AKAP19: variants seen among roughly 807,000 people sequenced by gnomAD.
AKAP19 encodes the protein A-kinase anchoring protein 19.
the AKAP19 span, among the ~76,000 whole-genome samples, chr2:189,943,212 G>A: frequency 6.6e-6 from 1 of 152,222 alleles, no homozygotes; most frequent in African/African-American, 2.4e-5. Context: ...TTCTGGGCCA[G>A]GACCAGGGCT....
At chr2:189,956,416 G>A in the AKAP19 span, among the ~76,000 whole-genome samples, 3 of 151,578 alleles carry the variant, frequency 2.0e-5, no homozygotes, top group Non-Finnish European at 2.9e-5. Flanking sequence ...TGATCCGCCC[G>A]CCTCGGCCTC....
chr2:190,180,530 T>C, the AKAP19 span: 2 of 985,676 alleles, frequency 2.0e-6, no homozygotes, highest in South Asian at 9.4e-5. This position sits in a 1 kb window ranked among gnomAD's most constrained non-coding sequence, Gnocchi z 6.8. Context: ...TCATTGACCT[T>C]TGCGGGTCTG....
chr2:189,966,712 G>A, the AKAP19 span, among the ~76,000 whole-genome samples: 1 of 152,168 alleles, frequency 6.6e-6, no homozygotes, highest in Admixed American at 6.5e-5. Flanking sequence ...TTAGTAGATT[G>A]TATCAATGTC....
chr2:189,962,230 C>T, the AKAP19 span, among the ~76,000 whole-genome samples: 1 of 152,140 alleles, frequency 6.6e-6, no homozygotes, highest in Admixed American at 6.5e-5. Context: ...TACAGTAACA[C>T]ACTGCACAGG....
At chr2:189,979,295 C>G in the AKAP19 span, among the ~76,000 whole-genome samples, 1 of 152,078 alleles carries the variant, frequency 6.6e-6, no homozygotes, top group Non-Finnish European at 1.5e-5. Flanking sequence ...ACCAACTGAT[C>G]TTAAACAAAG....
At chr2:190,180,740 TG>T in the AKAP19 span, 1 of 985,190 alleles carries the variant, frequency 1.0e-6, no homozygotes, top group Non-Finnish European at 1.2e-6. The surrounding 1 kb of genome is among the most constrained non-coding windows in gnomAD (Gnocchi z 6.8). Flanking sequence ...CGAGCGCCCT[TG>T]GGCGGCCATC....
chr2:190,141,135 C>G, the AKAP19 span, among the ~76,000 whole-genome samples: 1 of 152,212 alleles, frequency 6.6e-6, no homozygotes, highest in Non-Finnish European at 1.5e-5. Flanking sequence ...GTATTTTGGT[C>G]AAGGCCATTC....
chr2:190,062,662 T>C, the AKAP19 span: 1 of 1,543,892 alleles, frequency 6.5e-7, no homozygotes, highest in Non-Finnish European at 8.8e-7. Context: ...CTTTTGCTTT[T>C]GAGTAATGCC....
chr2:189,901,843 G>C, the AKAP19 span, among the ~76,000 whole-genome samples: 4 of 151,908 alleles, frequency 2.6e-5, no homozygotes, highest in African/African-American at 9.7e-5. Context: ...ATATTCCCTT[G>C]ACTAAGTTAC....
At chr2:190,028,129 C>T in the AKAP19 span, among the ~76,000 whole-genome samples, 1 of 151,902 alleles carries the variant, frequency 6.6e-6, no homozygotes, top group East Asian at 1.9e-4. Flanking sequence ...TTTTATTATC[C>T]TTATTCCCTG....
chr2:190,160,715 AAG>A, the AKAP19 span, among the ~76,000 whole-genome samples: 2 of 151,202 alleles, frequency 1.3e-5, no homozygotes, highest in Admixed American at 1.3e-4. Flanking sequence ...TTTTTTAAAA[AAG>A]AAGAAACTTT....
chr2:190,021,029 A>T, the AKAP19 span, among the ~76,000 whole-genome samples: 1 of 152,212 alleles, frequency 6.6e-6, no homozygotes, highest in Non-Finnish European at 1.5e-5. Context: ...CCATTCATCC[A>T]TCAATGAACA....
the AKAP19 span, among the ~76,000 whole-genome samples, chr2:190,001,174 T>A: frequency 6.6e-6 from 1 of 152,176 alleles, no homozygotes; most frequent in Non-Finnish European, 1.5e-5. Flanking sequence ...TTTAAAAAAA[T>A]AATTTCTATA....
chr2:190,148,753 A>G, the AKAP19 span, among the ~76,000 whole-genome samples: 5 of 152,164 alleles, frequency 3.3e-5, no homozygotes, highest in Admixed American at 2.6e-4. Context: ...TTTTTCCAGG[A>G]ACTTACCCAT....
the AKAP19 span, among the ~76,000 whole-genome samples, chr2:190,016,982 AT>A: frequency 1.3e-5 from 2 of 152,116 alleles, no homozygotes; most frequent in Non-Finnish European, 2.9e-5. Flanking sequence ...GTACATATGT[AT>A]TTATGATTGC....
At chr2:190,070,961 C>T in the AKAP19 span, among the ~76,000 whole-genome samples, 1 of 152,004 alleles carries the variant, frequency 6.6e-6, no homozygotes, top group Non-Finnish European at 1.5e-5. Context: ...TCATGCACTG[C>T]GTAACAATCT....
At chr2:189,923,435 G>C in the AKAP19 span, 2 of 1,613,896 alleles carry the variant, frequency 1.2e-6, no homozygotes, top group Non-Finnish European at 1.7e-6. Context: ...ATCTGATGTG[G>C]AGGCAATCTT....
chr2:189,932,411 A>C, the AKAP19 span, among the ~76,000 whole-genome samples: 3 of 146,500 alleles, frequency 2.0e-5, no homozygotes, highest in Admixed American at 6.8e-5. Context: ...CCAACTCAAA[A>C]AAAAAAAAAA....
chr2:189,915,519 C>A, the AKAP19 span, among the ~76,000 whole-genome samples: 17 of 151,974 alleles, frequency 1.1e-4, no homozygotes, highest in African/African-American at 4.1e-4. Context: ...TGGCCAGGAT[C>A]CCAGCTAGCA....
Sources: allele counts gnomAD v4.1 joint callset (sites outside exome capture counted in the v4.1 genomes callset), GRCh38; gene constraint gnomAD v4.1.1; non-coding constraint Gnocchi (gnomAD v3.1); transcripts MANE v1.5; gene names NCBI Gene and HGNC (gene_info 2026-07-23, HGNC 2026-07-21).